Variants in ZNF143 observed in about 807,000 individuals in gnomAD.
The protein encoded by ZNF143 is zinc finger protein 143, also known as SPH-binding factor.
A neutral mutation model predicts 74.1 loss-of-function variants in ZNF143; 49 were observed. That is an observed-to-expected ratio of 0.66 (90% CI 0.53 to 0.84). ZNF143 has a LOEUF of 0.84. ZNF143 is among the 40% of genes least tolerant of loss of function. The pLI, the probability that ZNF143 is intolerant of heterozygous loss-of-function variation, is 0.00. For synonymous variants in ZNF143, 304 were observed against 282.8 expected, an observed-to-expected ratio of 1.07 and a Z score of -0.75; for missense variants, 637 against 793.4, an observed-to-expected ratio of 0.80 and a Z score of 2.37.
intron 14 of ZNF143, among the ~76,000 whole-genome samples, chr11:9,518,642 A>G (rs1848804243): frequency 6.6e-6 from 1 of 151,594 alleles, no homozygotes; most frequent in Non-Finnish European, 1.5e-5. Context: ...GCTTGAACCC[A>G]GGAGGCAGAG....
intron 7 of ZNF143, among the ~76,000 whole-genome samples, chr11:9,486,414 T>TATATATATAATATATTATATATATA (rs1491546428): frequency 2.9e-4 from 7 of 24,036 alleles, no homozygotes; most frequent in Admixed American, 1.5e-3. Flanking sequence ...ATATATATAA[T>TATATATATAATATATTATATATATA]ATATATTATA....
chr11:9,482,844 T>C (rs1458582105), intron 7 of ZNF143, among the ~76,000 whole-genome samples: 1 of 151,514 alleles, frequency 6.6e-6, no homozygotes, highest in Non-Finnish European at 1.5e-5. Flanking sequence ...ATAAAAATAA[T>C]GTAAAATATC....
At chr11:9,518,429 C>T (rs554386902) in intron 14 of ZNF143, among the ~76,000 whole-genome samples, 7 of 152,288 alleles carry the variant, frequency 4.6e-5, no homozygotes, top group African/African-American at 1.7e-4. Context: ...TAAGAAAATG[C>T]AGGCTGGGTG....
chr11:9,489,869 T>C (rs1352643658), intron 7 of ZNF143, among the ~76,000 whole-genome samples: 1 of 152,160 alleles, frequency 6.6e-6, no homozygotes, highest in African/African-American at 2.4e-5. Context: ...AATAAAACTC[T>C]ACACTTGTAT....
intron 1 of ZNF143, among the ~76,000 whole-genome samples, chr11:9,461,424 G>A (rs1480672828): frequency 6.6e-6 from 1 of 152,168 alleles, no homozygotes; most frequent in East Asian, 1.9e-4. Context: ...CCTTGGCCGC[G>A]TTTCTCGGCC....
chr11:9,486,430 T>TATATATATTATATATATA (rs1847537493), intron 7 of ZNF143, among the ~76,000 whole-genome samples: 1 of 38,158 alleles, frequency 2.6e-5, no homozygotes, highest in Non-Finnish European at 5.1e-5. Flanking sequence ...TTATATATAT[T>TATATATATTATATATATA]ATATATATAA....
intron 7 of ZNF143, 41 bp downstream of exon 7, chr11:9,479,587 A>G (rs1270988709): frequency 1.3e-6 from 2 of 1,540,784 alleles, no homozygotes; most frequent in Non-Finnish European, 1.8e-6. Flanking sequence ...CTAGCTTAGC[A>G]TTTCTGTGCC....
intron 7 of ZNF143, among the ~76,000 whole-genome samples, chr11:9,482,249 C>A (rs1308130106): frequency 2.8e-5 from 4 of 141,320 alleles, no homozygotes; most frequent in Non-Finnish European, 4.5e-5. Flanking sequence ...GGATTACAGG[C>A]GTGAGCTACT....
intron 10 of ZNF143, among the ~76,000 whole-genome samples, chr11:9,500,841 G>C (rs1848132798): frequency 6.6e-6 from 1 of 151,824 alleles, no homozygotes; most frequent in Non-Finnish European, 1.5e-5. Context: ...TGCCTACCTG[G>C]ATGATTCCAT....
chr11:9,504,817 G>A (rs1397120184), intron 11 of ZNF143, among the ~76,000 whole-genome samples: 1 of 117,040 alleles, frequency 8.5e-6, no homozygotes, highest in South Asian at 3.0e-4. Flanking sequence ...TGGGACTACA[G>A]GCACCTGCCA....
At position 9,465,187 on chromosome 11, in the gene ZNF143, A is replaced by ATTTAT. The variant is rs993072993; in HGVS notation, c.-8+4119_-8+4123dup. 8.5e-5 allele frequency among the ~76,000 whole-genome samples: 13 copies of ATTTAT among 152,096 alleles called. No individual in the cohort carries two copies. In the East Asian group the frequency reaches 2.5e-3, roughly 29 times the overall value. On this transcript the variant is annotated intron_variant, in intron 1 of 15. Coordinates refer to ENST00000396602, the MANE Select transcript of ZNF143 (RefSeq NM_003442.6). ...GCTATTGGGACTTACTATTTTTTTT[A>ATTTAT]TTTATTTTATTTGTTTTGAGACGGA...
rs757184529 is a variant in ZNF143 at position 9,501,279 on chromosome 11, C to T, written c.1147+9C>T. On this transcript the variant is annotated intron_variant, in intron 11 of 15. Transcript: ENST00000396602. ...TGTGAGGATACACACAGGTAACAAT[C>T]TCTGATCTTTTGGTCTTTTATCTTT... The T allele has an allele frequency of 2.5e-6, 4 of 1,610,748 alleles. No individual in the cohort carries two copies. Among genetic ancestry groups the T allele is most frequent in the Non-Finnish European group, 3.4e-6 (4 of 1,178,194 alleles).
intron 7 of ZNF143, among the ~76,000 whole-genome samples, chr11:9,491,166 C>G (rs1452047167): frequency 6.6e-6 from 1 of 152,102 alleles, no homozygotes; most frequent in Non-Finnish European, 1.5e-5. Context: ...CGGAGGATTC[C>G]TTGAACCCAA....
chr11:9,522,557 G>A (rs1481801171), intron 14 of ZNF143, among the ~76,000 whole-genome samples: 2 of 152,102 alleles, frequency 1.3e-5, no homozygotes, highest in Non-Finnish European at 2.9e-5. Context: ...GCAATGGCAC[G>A]CTCTCGGCTC....
At chr11:9,494,127 G>A (rs1022428529) in intron 7 of ZNF143, among the ~76,000 whole-genome samples, 3 of 152,108 alleles carry the variant, frequency 2.0e-5, no homozygotes, top group Non-Finnish European at 2.9e-5. Context: ...TTCTGTGACT[G>A]TCCTTTTGAC....
chr11:9,471,272 T>C, intron 1 of ZNF143, 30 bp from the exon 2 acceptor site: 1 of 1,534,096 alleles, frequency 6.5e-7, no homozygotes, highest in Non-Finnish European at 8.9e-7. Flanking sequence ...TATCATTCTT[T>C]GTTCCCAAGT....
intron 14 of ZNF143, 21 bp from the exon 15 acceptor site, chr11:9,525,219 G>C (rs750083894): frequency 6.2e-7 from 1 of 1,613,732 alleles, no homozygotes; most frequent in Middle Eastern, 1.7e-4. Flanking sequence ...TATGTGTATG[G>C]TTTGTTTTGT....
intron 1 of ZNF143, among the ~76,000 whole-genome samples, chr11:9,466,298 CTTTTCTTTTT>C (rs1856209235): frequency 7.4e-6 from 1 of 134,988 alleles, no homozygotes; most frequent in Admixed American, 7.6e-5. Flanking sequence ...TTTTTCTTTT[CTTTTCTTTTT>C]TTTTGAGATG....
intron 15 of ZNF143, 172 bp downstream of exon 15, chr11:9,525,558 G>A: frequency 2.3e-6 from 2 of 853,742 alleles, no homozygotes; most frequent in Non-Finnish European, 3.8e-6. Context: ...AAAAAGACCA[G>A]CACTTTGTTC....
Sources: gnomAD v4.1 joint callset for allele counts (sites outside exome capture counted in the v4.1 genomes callset) on GRCh38, gnomAD v4.1.1 for gene constraint, MANE v1.5 for transcripts, NCBI Gene and HGNC (gene_info 2026-07-23, HGNC 2026-07-21) for gene names.